Variants in GPC5 observed in about 807,000 individuals in gnomAD.
GPC5 encodes the protein glypican-5.
In GPC5, 47 loss-of-function variants were observed where a neutral mutation model predicts 53.9. The observed-to-expected ratio is 0.87, with a 90% CI of 0.69 to 1.11. The LOEUF (loss-of-function observed/expected upper bound fraction) is 1.11, where lower values mean the gene tolerates loss of function less well. Among genes scored for constraint, GPC5 ranks in the 50% most tolerant of loss-of-function variants. GPC5 has a pLI of 0.00. For synonymous variants in GPC5, 286 were observed against 263.3 expected, an observed-to-expected ratio of 1.09 and a Z score of -0.84; for missense variants, 748 against 713.1, an observed-to-expected ratio of 1.05 and a Z score of -0.56.
At chr13:92,863,260 T>G (rs960200011) in intron 7 of GPC5, among the ~76,000 whole-genome samples, 2 of 152,180 alleles carry the variant, frequency 1.3e-5, no homozygotes, top group Non-Finnish European at 2.9e-5. Flanking sequence ...GATTTGATCT[T>G]GGCTCCACTG....
chr13:91,818,723 G>A (rs1255564615), intron 5 of GPC5, among the ~76,000 whole-genome samples: 1 of 152,148 alleles, frequency 6.6e-6, no homozygotes, highest in Non-Finnish European at 1.5e-5. Context: ...CCCAGCCCTT[G>A]AGGGTCAATA....
intron 6 of GPC5, among the ~76,000 whole-genome samples, chr13:91,963,271 T>C (rs1336754642): frequency 6.6e-6 from 1 of 152,178 alleles, no homozygotes. Context: ...TTGCAGAAAC[T>C]ATATGGAAAG....
At chr13:92,535,024 T>G (rs900906419) in intron 7 of GPC5, among the ~76,000 whole-genome samples, 7 of 152,256 alleles carry the variant, frequency 4.6e-5, no homozygotes, top group African/African-American at 1.7e-4. Context: ...GAGGTATTAT[T>G]AGAGTTCTAG....
At chr13:92,219,547 C>T (rs1594008774) in intron 7 of GPC5, among the ~76,000 whole-genome samples, 1 of 152,146 alleles carries the variant, frequency 6.6e-6, no homozygotes, top group Admixed American at 6.5e-5. Flanking sequence ...ACTCCCTTTT[C>T]AACCCCCTCC....
intron 7 of GPC5, among the ~76,000 whole-genome samples, chr13:92,154,394 A>C (rs188366308): frequency 6.6e-6 from 1 of 152,276 alleles, no homozygotes; most frequent in East Asian, 1.9e-4. Flanking sequence ...CTATCAATAC[A>C]AAAGTCAATT....
At chr13:91,721,072 T>C (rs1311832581) in intron 3 of GPC5, among the ~76,000 whole-genome samples, 3 of 2,638 alleles carry the variant, frequency 1.1e-3, no homozygotes, top group Non-Finnish European at 1.9e-3. Context: ...TCCCTTTCTT[T>C]CTTTCTTTCT....
intron 7 of GPC5, among the ~76,000 whole-genome samples, chr13:92,319,100 T>G (rs1157192475): frequency 6.6e-6 from 1 of 152,124 alleles, no homozygotes; most frequent in Non-Finnish European, 1.5e-5. Flanking sequence ...GGGTGGAAAC[T>G]GAAAGAGTGT....
chr13:92,354,843 A>AT (rs986458707), intron 7 of GPC5, among the ~76,000 whole-genome samples: 2 of 152,100 alleles, frequency 1.3e-5, no homozygotes, highest in Non-Finnish European at 2.9e-5. Flanking sequence ...GCCAGTGAAC[A>AT]TTTTCTGTAA....
At chr13:91,499,785 T>G (rs610028) in intron 2 of GPC5, among the ~76,000 whole-genome samples, 150,598 of 152,330 alleles carry the variant, frequency 0.99, 74,475 homozygotes, top group East Asian at 1. Context: ...AACTCCTAAG[T>G]TTGGTAATTT....
intron 7 of GPC5, among the ~76,000 whole-genome samples, chr13:92,596,270 TG>T (rs1249453764): frequency 6.6e-6 from 1 of 151,828 alleles, no homozygotes; most frequent in Non-Finnish European, 1.5e-5. Context: ...TGGGAAGCAA[TG>T]AAAGAAACGT....
chr13:91,514,031 G>A (rs554452233), intron 2 of GPC5, among the ~76,000 whole-genome samples: 7 of 152,158 alleles, frequency 4.6e-5, no homozygotes, highest in South Asian at 4.1e-4. Context: ...ATCACTTTTC[G>A]TTTAACCATT....
At position 92,101,023 on chromosome 13, in the gene GPC5, G is replaced by T. The variant is rs569647403; in HGVS notation, c.1402-43807G>T. ...CCTAGAGATTCTACCAAAAATGGGTGGTTGTTTGGCAACTTAAAACTTCCA... is the reference window on the plus strand; with the variant it reads ...CCTAGAGATTCTACCAAAAATGGGTTGTTGTTTGGCAACTTAAAACTTCCA... On this transcript the variant is annotated intron_variant, in intron 6 of 7. Transcript: ENST00000377067. 3.5e-3 allele frequency among the ~76,000 whole-genome samples: 540 copies of T among 152,196 alleles called. 5 individuals are homozygous for T. The highest frequency in any genetic ancestry group is 4.9e-3 in the Non-Finnish European group (330 of 68,018).
rs1566361634 is a variant in GPC5 at position 91,398,711 on chromosome 13, A to AGCGGCG, written c.-334_-333insGGCGGC. ...CAGTGGCGGCAGTGGCGGCAGCGGC[A>AGCGGCG]GCAGTTGCAGCAGTGGTGGCCAGAG... On this transcript the variant is annotated 5_prime_UTR_variant, in exon 1 of 8. Transcript: ENST00000377067. The AGCGGCG allele has an allele frequency of 7.3e-5, 19 of 261,272 alleles. No individual in the cohort carries two copies. The highest frequency in any genetic ancestry group is 4.3e-4 in the African/African-American group (19 of 44,112). 16.2% of individuals were successfully genotyped at this position (261,272 alleles called of 1,614,324 possible).
chr13:92,068,688 T>C (rs2041186096), intron 6 of GPC5, among the ~76,000 whole-genome samples: 1 of 151,620 alleles, frequency 6.6e-6, no homozygotes, highest in South Asian at 2.1e-4. Flanking sequence ...CTGTATCCAT[T>C]GAGATAAGAT....
At chr13:91,619,201 C>T (rs1049004736) in intron 2 of GPC5, among the ~76,000 whole-genome samples, 8 of 152,138 alleles carry the variant, frequency 5.3e-5, no homozygotes, top group African/African-American at 1.9e-4. Flanking sequence ...AGCTGTTAAA[C>T]ATTTCAAAAA....
intron 7 of GPC5, among the ~76,000 whole-genome samples, chr13:92,528,180 A>AAC (rs1881433065): frequency 6.6e-6 from 1 of 152,136 alleles, no homozygotes; most frequent in Non-Finnish European, 1.5e-5. Context: ...AAACTGTAAA[A>AAC]TACTGTACAT....
intron 7 of GPC5, among the ~76,000 whole-genome samples, chr13:92,220,295 T>C (rs1341061424): frequency 2.0e-5 from 3 of 152,308 alleles, no homozygotes; most frequent in Non-Finnish European, 4.4e-5. Flanking sequence ...GTTTACATTT[T>C]ATTGGGGTGG....
chr13:92,475,015 C>T (rs960214556), intron 7 of GPC5, among the ~76,000 whole-genome samples: 2 of 152,038 alleles, frequency 1.3e-5, no homozygotes, highest in Non-Finnish European at 2.9e-5. Context: ...ACAATTAGTG[C>T]TTCCTCTAAC....
intron 1 of GPC5, among the ~76,000 whole-genome samples, chr13:91,426,512 T>C (rs750379740): frequency 6.6e-6 from 1 of 152,182 alleles, no homozygotes; most frequent in African/African-American, 2.4e-5. Flanking sequence ...GGAAGCCAGT[T>C]TGAGTCCCAA....
Sources: gnomAD v4.1 joint callset for allele counts (sites outside exome capture counted in the v4.1 genomes callset) on GRCh38, gnomAD v4.1.1 for gene constraint, MANE v1.5 for transcripts, NCBI Gene and HGNC (gene_info 2026-07-23, HGNC 2026-07-21) for gene names.